KLF12: variants seen among roughly 807,000 people sequenced by gnomAD.
KLF12 encodes the protein Krueppel-like factor 12.
In KLF12, 9 loss-of-function variants were observed where a neutral mutation model predicts 37.8. That is an observed-to-expected ratio of 0.24 (90% confidence interval 0.14 to 0.42). The LOEUF (loss-of-function observed/expected upper bound fraction) is 0.42, where lower values mean the gene tolerates loss of function less well. Ranked by LOEUF, KLF12 falls within the 10% of genes least tolerant of loss-of-function variation. The pLI is 1.00. For synonymous variants in KLF12, 208 were observed against 202.1 expected (o/e 1.03, Z -0.25); for missense variants, 411 against 516.0 (o/e 0.80, Z 1.97).
intron 1 of KLF12, among the ~76,000 whole-genome samples, chr13:74,033,881 A>C (rs557766867): frequency 1.4e-3 from 216 of 151,928 alleles, no homozygotes; most frequent in African/African-American, 4.9e-3. Context: ...ACGTTTCATC[A>C]GTGCATATAT....
intron 3 of KLF12, among the ~76,000 whole-genome samples, chr13:73,892,269 AAG>A (rs1438658841): frequency 1.3e-5 from 2 of 152,164 alleles, no homozygotes; most frequent in African/African-American, 4.8e-5. Flanking sequence ...ATGGAAGGCA[AAG>A]AGAGTAAAAC....
chr13:73,840,437 A>G (rs1272987812), intron 4 of KLF12, among the ~76,000 whole-genome samples: 1 of 152,038 alleles, frequency 6.6e-6, no homozygotes, highest in Non-Finnish European at 1.5e-5. Context: ...CCCAACTCCC[A>G]TCTCAAGCTC....
upstream of KLF12, among the ~76,000 whole-genome samples, chr13:74,138,803 C>G (rs1284480236): frequency 6.6e-6 from 1 of 152,136 alleles, no homozygotes; most frequent in Admixed American, 6.5e-5. Context: ...TTTACAAAGC[C>G]AAGTTGGCAC....
At chr13:73,949,133 T>C (rs1324484709) in intron 2 of KLF12, among the ~76,000 whole-genome samples, 3 of 152,332 alleles carry the variant, frequency 2.0e-5, no homozygotes, top group African/African-American at 4.8e-5. Context: ...TACAGCTGTA[T>C]TGAAAACCAG....
At chr13:73,976,710 G>A (rs1891534187) in intron 2 of KLF12, among the ~76,000 whole-genome samples, 1 of 152,180 alleles carries the variant, frequency 6.6e-6, no homozygotes, top group African/African-American at 2.4e-5. Flanking sequence ...TAAGTAGCTG[G>A]AGGATGTATG....
At chr13:74,100,010 A>G (rs1876231529) in intron 1 of KLF12, among the ~76,000 whole-genome samples, 1 of 152,098 alleles carries the variant, frequency 6.6e-6, no homozygotes, top group South Asian at 2.1e-4. Context: ...ACAGGGAAGC[A>G]GGTCCACTGA....
intron 4 of KLF12, among the ~76,000 whole-genome samples, chr13:73,818,924 G>A (rs1594128275): frequency 6.6e-6 from 1 of 152,212 alleles, no homozygotes; most frequent in East Asian, 1.9e-4. Flanking sequence ...GTCCCAGTTA[G>A]AGAAACCCCG....
chr13:73,706,410 G>T (rs999263251), intron 7 of KLF12, among the ~76,000 whole-genome samples: 7 of 152,028 alleles, frequency 4.6e-5, no homozygotes, highest in Admixed American at 4.6e-4. Flanking sequence ...ATAAAAATAA[G>T]GTAAAACTTT....
chr13:73,754,865 A>T (rs1176513677), intron 6 of KLF12, among the ~76,000 whole-genome samples: 2 of 152,210 alleles, frequency 1.3e-5, no homozygotes, highest in Non-Finnish European at 2.9e-5. Flanking sequence ...GAGTATTCAC[A>T]GCACATTCTC....
the KLF12 span, among the ~76,000 whole-genome samples, chr13:74,175,734 C>T: frequency 6.6e-6 from 1 of 152,164 alleles, no homozygotes; most frequent in South Asian, 2.1e-4. Context: ...ACAAAGTTTA[C>T]ATATGAATGT....
At chr13:74,051,331 TACACACACAAACAC>T (rs1205271650) in intron 1 of KLF12, among the ~76,000 whole-genome samples, 3 of 90,394 alleles carry the variant, frequency 3.3e-5, no homozygotes, top group East Asian at 5.5e-4. Context: ...TGTGTATACA[TACACACACAAACAC>T]ACACACACAC....
At position 73,764,985 on chromosome 13, in the gene KLF12, T is replaced by G. The variant is rs762473440; in HGVS notation, c.822A>C (p.Pro274=). ...TTCGATTGCCCCGGACCCTTGATAC[T>G]GGGGACGGATGTACCCTGTAGACAG... The change falls in exon 6 of 8, where the codon CCA becomes CCC. Residue 274 remains proline (P), a synonymous_variant. Transcript: ENST00000377669. The G allele has an allele frequency of 2.1e-5, 33 of 1,570,134 alleles. No homozygotes were observed. The highest frequency in any genetic ancestry group is 2.9e-5 in the Non-Finnish European group (33 of 1,140,810).
intron 3 of KLF12, among the ~76,000 whole-genome samples, chr13:73,895,911 T>A (rs892868602): frequency 1.3e-5 from 2 of 151,780 alleles, no homozygotes; most frequent in Non-Finnish European, 1.5e-5. Context: ...ACCTTCGCCT[T>A]CTGGATTCAA....
the KLF12 span, among the ~76,000 whole-genome samples, chr13:74,305,191 A>G: frequency 2.6e-5 from 4 of 152,204 alleles, no homozygotes; most frequent in African/African-American, 7.2e-5. Context: ...ACTGATATCA[A>G]TAACAGTTTT....
At chr13:73,709,045 C>T (rs1875166321) in intron 7 of KLF12, among the ~76,000 whole-genome samples, 1 of 152,112 alleles carries the variant, frequency 6.6e-6, no homozygotes, top group Admixed American at 6.6e-5. Context: ...CATTAATAAA[C>T]TCATTCAAAA....
intron 5 of KLF12, among the ~76,000 whole-genome samples, chr13:73,810,974 T>TTTTC (rs1248945543): frequency 0.048 from 5,498 of 115,494 alleles, 408 homozygotes; most frequent in African/African-American, 0.052. Context: ...TTTTTTTAAT[T>TTTTC]TTTCTTTCTT....
rs74574977 is a variant in KLF12, at chr13:74,017,311, T to G, written c.-31-22258A>C. ...AAAAAGTCAACACATAAGGTAGTTA[T>G]GTGAACTTATAAGTTATGTGAATTA... is the stretch of plus-strand genomic sequence containing the variant. On this transcript the variant is annotated intron_variant, in intron 1 of 7. Transcript: ENST00000377669. Among the ~76,000 whole-genome samples the G allele has an allele frequency of 6.9e-3, 988 of 142,722 alleles. 38 individuals are homozygous for G. In the East Asian group the frequency reaches 0.12, roughly 17 times the overall value. The allele number at this position is 142,722 out of a possible 152,430, so 93.6% of individuals were successfully genotyped here.
intron 5 of KLF12, among the ~76,000 whole-genome samples, chr13:73,772,588 C>T (rs1324679912): frequency 2.6e-5 from 4 of 152,126 alleles, no homozygotes; most frequent in African/African-American, 9.7e-5. Context: ...ATAGCAAAAC[C>T]ACAAATTGGT....
At chr13:74,298,276 T>C in the KLF12 span, among the ~76,000 whole-genome samples, 1 of 152,196 alleles carries the variant, frequency 6.6e-6, no homozygotes, top group Non-Finnish European at 1.5e-5. Context: ...GGGTAAGTAA[T>C]AAATTGTGTG....
Sources: allele counts gnomAD v4.1 joint callset (sites outside exome capture counted in the v4.1 genomes callset), GRCh38; gene constraint gnomAD v4.1.1; transcripts MANE v1.5; gene names NCBI Gene and HGNC (gene_info 2026-07-23, HGNC 2026-07-21).